Variants in KIAA1671 observed in about 807,000 individuals in gnomAD.
KIAA1671 encodes the protein uncharacterized protein KIAA1671.
In KIAA1671, 52 loss-of-function variants were observed where a neutral mutation model predicts 131.2. That is an observed-to-expected ratio of 0.40 (90% CI 0.32 to 0.50). The LOEUF is 0.50. KIAA1671 is among the 20% of genes least tolerant of loss of function. The probability of loss-of-function intolerance (pLI) is 0.73; values close to 1 mark genes in which losing one functional copy is unlikely to be tolerated. For synonymous variants in KIAA1671, 1,003 were observed against 961.6 expected (o/e 1.04, Z -0.80); for missense variants, 2,360 against 2,364.2 (o/e 1.00, Z 0.04).
intron 6 of KIAA1671, chr22:25,062,462 C>T (rs1307616213): frequency 6.6e-6 from 1 of 152,380 alleles, no homozygotes; most frequent in East Asian, 1.9e-4. Context: ...CCAGCCCCCA[C>T]CCCATCCAGC....
chr22:25,122,281 G>A (rs1568967837), intron 6 of KIAA1671, among the ~76,000 whole-genome samples: 5 of 152,008 alleles, frequency 3.3e-5, no homozygotes, highest in Admixed American at 2.6e-4. Flanking sequence ...GTGACATGTC[G>A]GTTTACCATT....
In KIAA1671 at chr22:25,041,334, C is replaced by T. The variant is rs1926911944; in HGVS notation, c.4204C>T (p.Pro1402Ser). Residue 1402 changes from proline (P) to serine (S), a missense_variant, in exon 5 of 13, where the codon CCG (proline) becomes TCG (serine). Pro to Ser is a moderately conservative substitution (Grantham distance 74, BLOSUM62 -1). Around this residue, in one of 3 missense-constraint regions of KIAA1671, gnomAD observed 1,161 missense variants for 1,204.7 expected, o/e 0.96. Transcript: ENST00000358431. ...CCACCCACGTGACTGTGGACGGGTG[C>T]CGCTGGATATCAAGAGGGCCTACTC... Reference protein sequence around the residue: ...GDHPRDCGRVPLDIKRAYSEK... With the variant: ...GDHPRDCGRVSLDIKRAYSEK... The T allele has an allele frequency of 6.4e-7, 1 of 1,551,640 alleles. No homozygotes were observed. Among genetic ancestry groups the T allele is most frequent in the East Asian group, 2.4e-5 (1 of 40,908 alleles).
At chr22:25,129,336 A>G (rs771021073) in intron 6 of KIAA1671, among the ~76,000 whole-genome samples, 24 of 152,012 alleles carry the variant, frequency 1.6e-4, no homozygotes, top group Non-Finnish European at 2.8e-4. Context: ...GTGAAACCCC[A>G]TCTCTACTAA....
rs137948473 is a variant in KIAA1671 at position 25,071,392 on chromosome 22, C to A, written c.4530+22028C>A. 5.7e-3 allele frequency among the ~76,000 whole-genome samples: 863 copies of A among 152,292 alleles called. 4 individuals carry two copies. The highest frequency in any genetic ancestry group is 8.7e-3 in the Non-Finnish European group (593 of 68,028). On this transcript the variant is annotated intron_variant, in intron 6 of 12. Coordinates refer to ENST00000358431, the MANE Select transcript of KIAA1671 (RefSeq NM_001145206.2). ...TAGCCGCCAGTCCCAGAGTGTCTCA[C>A]CTCCCTCCTGAGCCCCCCAGAGCAG...
rs770779829 is a variant in KIAA1671, at chr22:25,037,430, A to G, written c.1630-1330A>G. 2.9e-3 allele frequency among the ~76,000 whole-genome samples: 434 copies of G among 152,140 alleles called. 1 individual carries two copies. Among genetic ancestry groups the G allele is most frequent in the Non-Finnish European group, 4.7e-3 (318 of 68,012 alleles). ...TATGTGTGTATATATATGTGTGTGTATATATTTCAACAAAGGTTTACAGTC... is the reference window on the plus strand; with the variant it reads ...TATGTGTGTATATATATGTGTGTGTGTATATTTCAACAAAGGTTTACAGTC... On this transcript the variant is annotated intron_variant, in intron 4 of 12. Coordinates refer to ENST00000358431, the MANE Select transcript of KIAA1671 (RefSeq NM_001145206.2).
intron 6 of KIAA1671, among the ~76,000 whole-genome samples, chr22:25,128,100 T>C (rs1932267303): frequency 6.6e-6 from 1 of 152,106 alleles, no homozygotes. Context: ...AAGATTGAAC[T>C]CAAACTTGGG....
At chr22:25,008,811 A>G (rs1055387523) in intron 1 of KIAA1671, among the ~76,000 whole-genome samples, 1 of 152,234 alleles carries the variant, frequency 6.6e-6, no homozygotes, top group Non-Finnish European at 1.5e-5. Flanking sequence ...TAAACTTGCA[A>G]TGGTTCACTG....
chr22:25,183,919 G>A (rs992314938), intron 10 of KIAA1671, among the ~76,000 whole-genome samples: 1 of 152,120 alleles, frequency 6.6e-6, no homozygotes, highest in Admixed American at 6.5e-5. Context: ...AACGCAGGAG[G>A]CAGACAGCCA....
At chr22:25,091,496 C>T (rs867588602) in intron 6 of KIAA1671, among the ~76,000 whole-genome samples, 1 of 152,194 alleles carries the variant, frequency 6.6e-6, no homozygotes, top group Admixed American at 6.5e-5. Flanking sequence ...AACCAGTTTA[C>T]CTTATGGGAA....
intron 1 of KIAA1671, chr22:25,023,261 G>A (rs1196367142): frequency 2.6e-5 from 4 of 152,074 alleles, no homozygotes; most frequent in African/African-American, 4.8e-5. Flanking sequence ...CCAGCTTCAC[G>A]GAGGTTAAGG....
chr22:24,960,560 A>G (rs1165060748), intron 1 of KIAA1671, among the ~76,000 whole-genome samples: 4 of 151,446 alleles, frequency 2.6e-5, no homozygotes, highest in Non-Finnish European at 5.9e-5. Context: ...AAAAAAAAAA[A>G]AAAAGAAAAA....
At position 25,028,256 on chromosome 22, in the gene KIAA1671, C is replaced by T; in HGVS notation, c.257C>T (p.Pro86Leu). 1 of 1,551,656 alleles carries T rather than the reference C, an allele frequency of 6.4e-7. No individual in the cohort carries two copies. The highest frequency in any genetic ancestry group is 8.7e-7 in the Non-Finnish European group (1 of 1,147,002). Residue 86 changes from proline to leucine, a missense_variant, in exon 3 of 13, where the codon CCC becomes CTC. By Grantham distance (98) the Pro-to-Leu change is moderately conservative. Coordinates refer to ENST00000358431, the MANE Select transcript of KIAA1671 (RefSeq NM_001145206.2). ...AAATCTCCTGTCCCGTCTCTGCGGCCCAGTTCGACTGGACCTTCCCCCTCT... is the reference window on the plus strand; with the variant it reads ...AAATCTCCTGTCCCGTCTCTGCGGCTCAGTTCGACTGGACCTTCCCCCTCT... ...DVKSPVPSLR[P>L]SSTGPSPSGG...
intron 6 of KIAA1671, among the ~76,000 whole-genome samples, chr22:25,162,398 C>T (rs977378174): frequency 6.6e-6 from 1 of 152,214 alleles, no homozygotes; most frequent in African/African-American, 2.4e-5. Flanking sequence ...TCTCTCAGAA[C>T]TGCTCTGTCA....
chr22:25,029,705 C>T (rs1039041845), intron 3 of KIAA1671, among the ~76,000 whole-genome samples, 165 bp downstream of exon 3: 7 of 152,220 alleles, frequency 4.6e-5, no homozygotes, highest in Admixed American at 2.0e-4. Context: ...AGGTGAGGTG[C>T]GGAGAGGCAG....
chr22:25,149,106 A>C (rs1473432918), intron 6 of KIAA1671, among the ~76,000 whole-genome samples: 1 of 152,034 alleles, frequency 6.6e-6, no homozygotes, highest in Admixed American at 6.5e-5. Flanking sequence ...TACTATTGCC[A>C]GGCACAGCCC....
chr22:25,065,930 C>T lies in KIAA1671; in HGVS notation c.4530+16566C>T, dbSNP rs1163282320. ...CTGGTATTACAAGTGTGAGCCACTG[C>T]GCCTGATCGAGACTGGGTACTTTAA... On this transcript the variant is annotated intron_variant, in intron 6 of 12. Transcript: ENST00000358431. Among the ~76,000 whole-genome samples the T allele has an allele frequency of 3.3e-5, 5 of 152,104 alleles. No homozygotes were observed. The East Asian group carries it at 5.8e-4, about 18-fold the overall frequency.
At chr22:24,953,436 C>T (rs1413261308) in intron 1 of KIAA1671, among the ~76,000 whole-genome samples, 5 of 152,190 alleles carry the variant, frequency 3.3e-5, no homozygotes, top group African/African-American at 7.2e-5. Flanking sequence ...AGAGGGGCGG[C>T]GCGCGGGGCC....
At position 25,088,930 on chromosome 22, in the gene KIAA1671, A is replaced by G. The variant is rs150799921; in HGVS notation, c.4530+39566A>G. 2.5e-3 allele frequency among the ~76,000 whole-genome samples: 374 copies of G among 152,338 alleles called. 1 individual carries two copies. The highest frequency in any genetic ancestry group is 0.01 in the Middle Eastern group (3 of 294). On this transcript the variant is annotated intron_variant, in intron 6 of 12. Coordinates refer to ENST00000358431, the MANE Select transcript of KIAA1671 (RefSeq NM_001145206.2). ...CATGCACAATTTGCCCTTTGTATCCATGGTTTCCGTATCCGTGGATTCAAC... is the reference window on the plus strand; with the variant it reads ...CATGCACAATTTGCCCTTTGTATCCGTGGTTTCCGTATCCGTGGATTCAAC...
chr22:25,027,799 C>T, intron 2 of KIAA1671, 146 bp from the exon 3 acceptor site: 2 of 489,912 alleles, frequency 4.1e-6, no homozygotes, highest in South Asian at 8.5e-5. Context: ...GAGAGGCAGG[C>T]CCAAGCCTGC....
Sources: gnomAD v4.1 joint callset for allele counts (sites outside exome capture counted in the v4.1 genomes callset) on GRCh38, gnomAD v4.1.1 for gene constraint, gnomAD v4.1.1 regional missense constraint, MANE v1.5 for transcripts, NCBI Gene and HGNC (gene_info 2026-07-23, HGNC 2026-07-21) for gene names.